The following MAST4 variants were observed in gnomAD, a reference collection of about 807,000 sequenced individuals.
MAST4 encodes the protein microtubule-associated serine/threonine-protein kinase 4.
A neutral mutation model predicts 162.7 loss-of-function variants in MAST4; 89 were observed. The ratio of observed to expected loss-of-function variants is 0.55; its 90% CI spans 0.46 to 0.65. The LOEUF (loss-of-function observed/expected upper bound fraction) is 0.65, where lower values mean the gene tolerates loss of function less well. Ranked by LOEUF, MAST4 falls within the 30% of genes least tolerant of loss-of-function variation. The pLI is 0.00. For synonymous variants in MAST4, 1,479 were observed against 1,361.1 expected (o/e 1.09, Z -1.91); for missense variants, 3,153 against 3,374.0 (o/e 0.93, Z 1.62).
chr5:66,717,465 G>A (rs1230884001), intron 1 of MAST4, among the ~76,000 whole-genome samples: 1 of 152,150 alleles, frequency 6.6e-6, no homozygotes, highest in Non-Finnish European at 1.5e-5. Context: ...CTGTTTTCTA[G>A]CAAATTGTGG....
intron 1 of MAST4, among the ~76,000 whole-genome samples, chr5:66,673,918 A>T (rs1248922256): frequency 1.3e-5 from 2 of 152,236 alleles, no homozygotes; most frequent in Non-Finnish European, 2.9e-5. Flanking sequence ...CATCTACATG[A>T]AACTATACCT....
At chr5:67,114,859 A>G (rs1012317552) in intron 12 of MAST4, 6 of 152,198 alleles carry the variant, frequency 3.9e-5, no homozygotes, top group African/African-American at 1.4e-4. Context: ...CAGCCTGGCC[A>G]ATATGGTGAA....
intron 5 of MAST4, among the ~76,000 whole-genome samples, chr5:67,059,973 T>C (rs469009): frequency 0.45 from 67,627 of 151,922 alleles, 15,795 homozygotes; most frequent in African/African-American, 0.57. Context: ...TTTTCATGCA[T>C]ATCCCTTCAT....
chr5:66,847,546 A>G (rs1758947387), intron 3 of MAST4, among the ~76,000 whole-genome samples: 1 of 152,152 alleles, frequency 6.6e-6, no homozygotes, highest in Non-Finnish European at 1.5e-5. Context: ...AGGCAGGGAG[A>G]ATTGCTTGAA....
At chr5:66,636,853 G>A (rs1745154815) in intron 1 of MAST4, among the ~76,000 whole-genome samples, 1 of 152,192 alleles carries the variant, frequency 6.6e-6, no homozygotes. Context: ...AGGATGGTTA[G>A]CTTCCATCTT....
intron 1 of MAST4, among the ~76,000 whole-genome samples, chr5:66,649,578 A>G (rs1746081842): frequency 6.6e-6 from 1 of 152,140 alleles, no homozygotes; most frequent in Non-Finnish European, 1.5e-5. Flanking sequence ...TAATTGAACT[A>G]TTGGAGCATT....
Position 66,708,447 on chromosome 5 carries a change from G to A in MAST4, c.364-51262G>A, listed in dbSNP as rs137930879. Among the ~76,000 whole-genome samples the A allele has an allele frequency of 1.6e-3, 239 of 152,246 alleles. 6 individuals carry two copies. The East Asian group carries it at 0.04, about 25-fold the overall frequency. On this transcript the variant is annotated intron_variant, in intron 1 of 28. Transcript: ENST00000403625. ...AGTCCATAATTACACAGAGAATCTG[G>A]TAGTGGAGCCCATCATACCTAACAG... is the stretch of plus-strand genomic sequence containing the variant.
intron 3 of MAST4, among the ~76,000 whole-genome samples, chr5:66,874,211 G>A (rs1257050276): frequency 6.6e-6 from 1 of 152,086 alleles, no homozygotes; most frequent in Non-Finnish European, 1.5e-5. Context: ...TATGAGCTCC[G>A]TAATACAGCA....
intron 1 of MAST4, among the ~76,000 whole-genome samples, chr5:66,648,061 TGTGTGTGTGTGTGTGTGTGTGTGAGA>T (rs1745967342): frequency 1.5e-5 from 2 of 132,090 alleles, no homozygotes; most frequent in African/African-American, 3.0e-5. Flanking sequence ...TGTGTGTGTG[TGTGTGTGTGTGTGTGTGTGTGTGAGA>T]GAGAGAGAGA....
chr5:67,033,594 T>C (rs1755651570), intron 4 of MAST4, among the ~76,000 whole-genome samples: 1 of 152,198 alleles, frequency 6.6e-6, no homozygotes, highest in African/African-American at 2.4e-5. Flanking sequence ...ACAGTTACAA[T>C]GCTAAAGCAG....
chr5:67,081,996 C>T (rs1435842471), intron 5 of MAST4, among the ~76,000 whole-genome samples: 1 of 152,154 alleles, frequency 6.6e-6, no homozygotes, highest in Non-Finnish European at 1.5e-5. Flanking sequence ...TAAAATCAAT[C>T]TCATGTACCT....
At chr5:67,006,166 A>G (rs905366854) in intron 4 of MAST4, among the ~76,000 whole-genome samples, 6 of 152,346 alleles carry the variant, frequency 3.9e-5, no homozygotes, top group African/African-American at 1.4e-4. Flanking sequence ...GTTTATATAC[A>G]TGGGTGCACA....
chr5:66,667,647 A>G (rs1747346702), intron 1 of MAST4, among the ~76,000 whole-genome samples: 1 of 152,156 alleles, frequency 6.6e-6, no homozygotes, highest in Non-Finnish European at 1.5e-5. Flanking sequence ...TTCCTACTCC[A>G]CCACTTATGG....
At chr5:66,692,153 A>C (rs1749082784) in intron 1 of MAST4, among the ~76,000 whole-genome samples, 1 of 151,778 alleles carries the variant, frequency 6.6e-6, no homozygotes, top group African/African-American at 2.4e-5. Context: ...TCACACTCTC[A>C]CTCATGTGCT....
At chr5:66,653,179 G>A (rs553468696) in intron 1 of MAST4, among the ~76,000 whole-genome samples, 3 of 152,258 alleles carry the variant, frequency 2.0e-5, no homozygotes, top group African/African-American at 7.2e-5. Flanking sequence ...ATCTACCAGG[G>A]AATGGTAGTG....
chr5:66,793,322 G>T (rs1399509902), intron 3 of MAST4, among the ~76,000 whole-genome samples: 1 of 152,208 alleles, frequency 6.6e-6, no homozygotes, highest in Non-Finnish European at 1.5e-5. Context: ...CACCAGCCGG[G>T]AGTGCTGATG....
rs1763610652 is a variant in MAST4 at position 66,909,620 on chromosome 5, G to T, written c.674+9638G>T. Among the ~76,000 whole-genome samples, 3 of 152,118 alleles carry T rather than the reference G, an allele frequency of 2.0e-5. No individual in the cohort carries two copies. In the South Asian group the frequency reaches 6.2e-4, roughly 32 times the overall value. On this transcript the variant is annotated intron_variant, in intron 4 of 28. Transcript: ENST00000403625. Reference sequence around the variant, plus strand: ...TTGCAAACCATGACCAAAATTTAGGGTTCCTAACTCCCAGGGACTGGCAAG... The same window carrying T: ...TTGCAAACCATGACCAAAATTTAGGTTTCCTAACTCCCAGGGACTGGCAAG...
intron 1 of MAST4, among the ~76,000 whole-genome samples, chr5:66,618,232 T>G (rs1198193943): frequency 1.3e-5 from 2 of 152,198 alleles, no homozygotes; most frequent in Non-Finnish European, 2.9e-5. Flanking sequence ...ATCAGCCCTT[T>G]GATCCTCACA....
At chr5:67,027,368 C>T (rs1389769657) in intron 4 of MAST4, among the ~76,000 whole-genome samples, 2 of 152,246 alleles carry the variant, frequency 1.3e-5, no homozygotes, top group Middle Eastern at 3.4e-3. Context: ...AGCCAAGTAC[C>T]ATATCTCTGT....
Sources: allele counts gnomAD v4.1 joint callset (sites outside exome capture counted in the v4.1 genomes callset), GRCh38; gene constraint gnomAD v4.1.1; transcripts MANE v1.5; gene names NCBI Gene and HGNC (gene_info 2026-07-23, HGNC 2026-07-21).